The following ATP10A variants were observed in gnomAD, a reference collection of about 807,000 sequenced individuals.
ATP10A encodes ATPase phospholipid transporting 10A (putative).
In ATP10A, 111 loss-of-function variants were observed where a neutral mutation model predicts 147.8. That is an observed-to-expected ratio of 0.75 (90% CI 0.64 to 0.88). The LOEUF (loss-of-function observed/expected upper bound fraction) is 0.88, where lower values mean the gene tolerates loss of function less well. Ranked by LOEUF, ATP10A falls within the 40% of genes least tolerant of loss-of-function variation. The pLI, the probability that ATP10A is intolerant of heterozygous loss-of-function variation, is 0.00. For synonymous variants in ATP10A, 875 were observed against 841.6 expected (o/e 1.04, Z -0.69); for missense variants, 1,927 against 1,959.0 (o/e 0.98, Z 0.31).
chr15:25,761,714 C>T (rs1270838340), intron 2 of ATP10A, among the ~76,000 whole-genome samples: 1 of 152,216 alleles, frequency 6.6e-6, no homozygotes, highest in African/African-American at 2.4e-5. Flanking sequence ...TTTAGCCAAC[C>T]TCTCCCATTT....
rs756107036 is a variant in ATP10A at position 25,708,006 on chromosome 15, T to C, written c.2545A>G (p.Ile849Val). Residue 849 changes from isoleucine (I) to valine (V), a missense_variant, in exon 12 of 21, where the codon ATT (isoleucine) becomes GTT (valine). Ile to Val is a conservative substitution (Grantham distance 29). Coordinates refer to ENST00000555815, the MANE Select transcript of ATP10A (RefSeq NM_024490.4). ...NSEELLFQSA[I>V]RLETNLHLLG... ...AAGTGCAGGTTGGTCTCCAGGCGAATGGCAGACTGGAAGAGGAGCTCCTCG... is the reference window on the plus strand; with the variant it reads ...AAGTGCAGGTTGGTCTCCAGGCGAACGGCAGACTGGAAGAGGAGCTCCTCG... 1.9e-6 allele frequency: 3 copies of C among 1,614,038 alleles called. No individual in the cohort carries two copies. Among genetic ancestry groups the C allele is most frequent in the Non-Finnish European group, 8.5e-7 (1 of 1,180,026 alleles).
Position 25,736,037 on chromosome 15 carries a change from G to A in ATP10A, c.740+19C>T, listed in dbSNP as rs770855991. The A allele has an allele frequency of 6.3e-7, 1 of 1,595,780 alleles. No individual in the cohort carries two copies. Among genetic ancestry groups the A allele is most frequent in the South Asian group, 1.1e-5 (1 of 90,726 alleles). On this transcript the variant is annotated intron_variant, in intron 3 of 20. Transcript: ENST00000555815. ...TTATCAAACAGAAGGATGCGCGCAG[G>A]CAGACACACGATACTCACATGCAGC...
chr15:25,755,921 CCTT>C (rs1304437556), intron 2 of ATP10A, among the ~76,000 whole-genome samples: 2 of 152,326 alleles, frequency 1.3e-5, no homozygotes, highest in East Asian at 1.9e-4. Flanking sequence ...AAGCGTGTCT[CCTT>C]CTCTGTACTT....
At chr15:25,706,523 G>A (rs1393797734) in intron 12 of ATP10A, among the ~76,000 whole-genome samples, 6 of 152,304 alleles carry the variant, frequency 3.9e-5, no homozygotes, top group Admixed American at 2.6e-4. Context: ...TGACCAGCCC[G>A]CATGACCAGC....
intron 1 of ATP10A, among the ~76,000 whole-genome samples, chr15:25,820,123 A>G (rs1306880303): frequency 6.6e-6 from 1 of 152,164 alleles, no homozygotes. Flanking sequence ...TAGAAATAGA[A>G]ATACATATAG....
At chr15:25,766,249 G>A (rs768166863) in intron 2 of ATP10A, among the ~76,000 whole-genome samples, 11 of 152,160 alleles carry the variant, frequency 7.2e-5, no homozygotes, top group African/African-American at 9.7e-5. Flanking sequence ...TGGGAATTCC[G>A]GGAGATACAA....
chr15:25,753,545 C>T (rs1888261056), intron 2 of ATP10A, among the ~76,000 whole-genome samples: 2 of 150,556 alleles, frequency 1.3e-5, no homozygotes, highest in South Asian at 4.3e-4. Flanking sequence ...GGAAAAGGCA[C>T]CCCTAACTGC....
At chr15:25,721,566 G>C in intron 7 of ATP10A, 91 bp downstream of exon 7, 1 of 1,227,026 alleles carries the variant, frequency 8.1e-7, no homozygotes, top group Non-Finnish European at 1.2e-6. Flanking sequence ...GTGTGTGTGT[G>C]TGTGTGTGTG....
chr15:25,841,365 A>G (rs1315833719), intron 1 of ATP10A: 2 of 152,126 alleles, frequency 1.3e-5, no homozygotes, highest in East Asian at 3.9e-4. Flanking sequence ...CTGATTGTCA[A>G]AAACTAATTG....
intron 6 of ATP10A, 147 bp from the exon 7 acceptor site, chr15:25,722,056 T>G: frequency 8.8e-5 from 75 of 851,582 alleles, no homozygotes; most frequent in Non-Finnish European, 1.2e-4. Flanking sequence ...TAGGTTGGTT[T>G]AGAGTCAGTA....
At chr15:25,750,157 C>A (rs1382892214) in intron 2 of ATP10A, among the ~76,000 whole-genome samples, 1 of 151,636 alleles carries the variant, frequency 6.6e-6, no homozygotes, top group East Asian at 1.9e-4. Flanking sequence ...ATATCATGAT[C>A]AATTTGCTTA....
At chr15:25,680,412 G>C in intron 19 of ATP10A, 104 bp from the exon 20 acceptor site, 1 of 1,244,184 alleles carries the variant, frequency 8.0e-7, no homozygotes, top group Non-Finnish European at 1.1e-6. Flanking sequence ...GTGAGGTTCT[G>C]AGGCCTTCAG....
Position 25,694,838 on chromosome 15 carries a change from C to T in ATP10A, c.3069G>A (p.Lys1023=). The T allele has an allele frequency of 6.2e-7, 1 of 1,612,646 alleles. No individual in the cohort carries two copies. Among genetic ancestry groups the T allele is most frequent in the Non-Finnish European group, 8.5e-7 (1 of 1,179,102 alleles). ...MVVKLVRSKL[K]AMTLAIGDGA... ...ACTTGCCTATGGCCAGGGTCATGGC[C>T]TTGAGCTTGCTCCGCACCAGCTTCA... Residue 1023 remains lysine, a synonymous_variant, in exon 14 of 21, where the codon AAG becomes AAA. Coordinates refer to ENST00000555815, the MANE Select transcript of ATP10A (RefSeq NM_024490.4).
intron 1 of ATP10A, among the ~76,000 whole-genome samples, chr15:25,797,683 G>T (rs1415104711): frequency 1.3e-5 from 2 of 152,190 alleles, no homozygotes; most frequent in South Asian, 4.1e-4. Context: ...CAGCTCCACA[G>T]CACGCAGATC....
intron 2 of ATP10A, among the ~76,000 whole-genome samples, chr15:25,742,877 C>A (rs1887643904): frequency 6.6e-6 from 1 of 152,218 alleles, no homozygotes; most frequent in African/African-American, 2.4e-5. Context: ...CTCTGCTGAG[C>A]TATTAGCACA....
rs1899236749 is a variant in ATP10A, at chr15:25,679,418, G to T, written c.4423C>A (p.Pro1475Thr). ...GQAGRGLPVQPHSGRSGLQGP... is the reference protein window; with the variant it reads ...GQAGRGLPVQTHSGRSGLQGP... The stretch of plus-strand genomic sequence containing the variant: ...TGAAGTCCTGATCGGCCTGAGTGGG[G>T]CTGGACAGGAAGTCCACGTCCCGCT... Residue 1475 changes from proline (P) to threonine (T), a missense_variant, in exon 21 of 21, where the codon CCC (proline) becomes ACC (threonine). Coordinates refer to ENST00000555815, the MANE Select transcript of ATP10A (RefSeq NM_024490.4). 1.2e-6 allele frequency: 2 copies of T among 1,613,654 alleles called. No individual in the cohort carries two copies. Among genetic ancestry groups the T allele is most frequent in the African/African-American group, 1.3e-5 (1 of 75,042 alleles).
chr15:25,810,309 C>T (rs1195036653), intron 1 of ATP10A, among the ~76,000 whole-genome samples: 3 of 152,208 alleles, frequency 2.0e-5, no homozygotes, highest in Non-Finnish European at 4.4e-5. Context: ...GAGGGCAGAG[C>T]CCACAGGGAG....
intron 1 of ATP10A, among the ~76,000 whole-genome samples, chr15:25,784,433 G>C (rs977107499): frequency 2.6e-5 from 4 of 152,178 alleles, no homozygotes; most frequent in Non-Finnish European, 4.4e-5. Flanking sequence ...TAAAACAATA[G>C]CTTGCCTGCC....
At position 25,691,571 on chromosome 15, in the gene ATP10A, G is replaced by A. The variant is rs1003454901; in HGVS notation, c.3165+144C>T. 5.3e-6 allele frequency: 4 copies of A among 747,940 alleles called. No homozygotes were observed. The Admixed American group carries it at 6.4e-5, about 12-fold the overall frequency. The allele number at this position is 747,940 out of a possible 1,614,324, so 46.3% of individuals were successfully genotyped here. ...ACCTTCCACTAGTGGCTTAGCAGCT[G>A]TATTGAGCATCAGCTATATTAAGGG... On this transcript the variant is annotated intron_variant, in intron 15 of 20. Transcript: ENST00000555815.
Sources: allele counts gnomAD v4.1 joint callset (sites outside exome capture counted in the v4.1 genomes callset), GRCh38; gene constraint gnomAD v4.1.1; transcripts MANE v1.5; gene names NCBI Gene and HGNC (gene_info 2026-07-23, HGNC 2026-07-21).